Variants in ABCA7 observed in about 807,000 individuals in gnomAD.
ABCA7 encodes phospholipid-transporting ATPase ABCA7.
In ABCA7, 261 loss-of-function variants were observed where a neutral mutation model predicts 227.6. The ratio of observed to expected loss-of-function variants is 1.15; its 90% CI spans 1.04 to 1.27. ABCA7 has a LOEUF of 1.27. ABCA7 is among the 50% of genes most tolerant of loss of function. The pLI, the probability that ABCA7 is intolerant of heterozygous loss-of-function variation, is 0.00. For synonymous variants in ABCA7, 1,488 were observed against 1,279.7 expected (o/e 1.16, Z -3.47); for missense variants, 3,331 against 2,924.5 (o/e 1.14, Z -3.21).
chr19:1,064,569 G>T, intron 45 of ABCA7: 1 of 496,508 alleles, frequency 2.0e-6, no homozygotes, highest in Non-Finnish European at 3.5e-6. Flanking sequence ...CCTGGTTAGT[G>T]GGCGGGGCCA....
Position 1,052,032 on chromosome 19 carries a change from G to A in ABCA7, c.3053G>A (p.Cys1018Tyr). 1 of 1,612,270 alleles carries A rather than the reference G, an allele frequency of 6.2e-7. No homozygotes were observed. The highest frequency in any genetic ancestry group is 2.2e-5 in the East Asian group (1 of 44,862). ...VAVVAGGRLC[C>Y]CGSPLFLRRH... ...GTGGTGGCAGGTGGCCGCTTGTGCT[G>A]CTGTGGCTCCCCACTCTTCCTGCGC... The change falls in exon 22 of 47, where the codon TGC becomes TAC. Residue 1018 changes from cysteine to tyrosine, a missense_variant. Physicochemically the swap from Cys to Tyr is radical, Grantham distance 194. Coordinates refer to ENST00000263094, the MANE Select transcript of ABCA7 (RefSeq NM_019112.4).
At position 1,042,830 on chromosome 19, in the gene ABCA7, C is replaced by T. The variant is rs959580523; in HGVS notation, c.579+4C>T. On this transcript the variant is annotated splice_donor_region_variant and intron_variant, in intron 7 of 46. Transcript: ENST00000263094. ...CGCTGAGGACCTGGCCCAGGAGGTA[C>T]GAGGCCCCACTCATCCTCAACCCCC... 19 of 1,585,726 alleles carry T rather than the reference C, an allele frequency of 1.2e-5. No homozygotes were observed. The highest frequency in any genetic ancestry group is 1.5e-5 in the Non-Finnish European group (18 of 1,167,384).
chr19:1,054,318 A>T lies in ABCA7; in HGVS notation c.3703A>T (p.Ser1235Cys). ...LLKRFLLARR[S>C]RRGLFAQIVL... ...CAAGCGCTTTCTGCTTGCCCGCCGC[A>T]GCCGCCGCGGCCTGTTCGCCCAGGT... Residue 1235 changes from serine (S) to cysteine (C), a missense_variant, in exon 27 of 47, where the codon AGC becomes TGC. Coordinates refer to ENST00000263094, the MANE Select transcript of ABCA7 (RefSeq NM_019112.4). The surrounding 1 kb of genome is among the most constrained non-coding windows in gnomAD (Gnocchi z 4.8). 1 of 1,601,538 alleles carries T rather than the reference A, an allele frequency of 6.2e-7. No individual in the cohort carries two copies. Among genetic ancestry groups the T allele is most frequent in the Non-Finnish European group, 8.5e-7 (1 of 1,178,850 alleles).
rs761326173 is a variant in ABCA7 at position 1,045,111 on chromosome 19, G to A, written c.1325G>A (p.Gly442Glu). 1 of 1,612,992 alleles carries A rather than the reference G, an allele frequency of 6.2e-7. No homozygotes were observed. The highest frequency in any genetic ancestry group is 8.5e-7 in the Non-Finnish European group (1 of 1,179,992). The change falls in exon 12 of 47, where the codon GGA becomes GAA. Residue 442 changes from glycine to glutamate, a missense_variant. Physicochemically the swap from Gly to Glu is moderately conservative, Grantham distance 98. Transcript: ENST00000263094. ...HRFWAGVVFL[G>E]PEDSSDPTEH... ...TTCTGGGCCGGCGTCGTCTTCTTGG[G>A]ACCTGAGGACTCTTCAGACCCCACA...
chr19:1,044,909 A>C (rs2040460059), intron 11 of ABCA7, 93 bp from the exon 12 acceptor site: 4 of 1,529,258 alleles, frequency 2.6e-6, no homozygotes, highest in Non-Finnish European at 3.5e-6. Context: ...CGAGGGGAAA[A>C]CATGGCCCAG....
At chr19:1,057,159 G>A (rs980207136) in intron 34 of ABCA7, 75 bp downstream of exon 34, 7 of 1,565,214 alleles carry the variant, frequency 4.5e-6, no homozygotes, top group Non-Finnish European at 6.1e-6. Flanking sequence ...TGTAGGCAGG[G>A]GCTTGTCCAA....
chr19:1,043,474 G>A lies in ABCA7; in HGVS notation c.930+1G>A, dbSNP rs1428860222. 1.2e-6 allele frequency: 2 copies of A among 1,613,228 alleles called. No homozygotes were observed. Among genetic ancestry groups the A allele is most frequent in the African/African-American group, 1.3e-5 (1 of 75,056 alleles). On this transcript the variant is annotated splice_donor_variant, in intron 9 of 46. Transcript: ENST00000263094. LOFTEE classifies it high-confidence loss of function. ...TTTTACCCGGAAGCTCATGGCCCAG[G>A]TGGGGGCAGCCTGGATGCTGGGGTG... is the stretch of plus-strand genomic sequence containing the variant.
At position 1,053,373 on chromosome 19, in the gene ABCA7, G is replaced by A; in HGVS notation, c.3265G>A (p.Ala1089Thr). ...CCTGGTACAGCACTGGGTGCCCGGG[G>A]CACGGCTGGTGGAGGAGCTGCCACA... Reference protein sequence around the residue: ...LALVQHWVPGARLVEELPHEL... With the variant: ...LALVQHWVPGTRLVEELPHEL... Residue 1089 changes from alanine (A) to threonine (T), a missense_variant, in exon 24 of 47, where the codon GCA (alanine) becomes ACA (threonine). By Grantham distance (58) the Ala-to-Thr change is moderately conservative. Transcript: ENST00000263094. The A allele has an allele frequency of 6.2e-7, 1 of 1,609,114 alleles. No individual in the cohort carries two copies. Among genetic ancestry groups the A allele is most frequent in the East Asian group, 2.2e-5 (1 of 44,848 alleles).
At position 1,053,840 on chromosome 19, in the gene ABCA7, C is replaced by G; in HGVS notation, c.3472+4C>G. The G allele has an allele frequency of 1.2e-6, 2 of 1,609,016 alleles. No individual in the cohort carries two copies. The highest frequency in any genetic ancestry group is 1.7e-6 in the Non-Finnish European group (2 of 1,176,626). On this transcript the variant is annotated splice_donor_region_variant and intron_variant, in intron 25 of 46. Coordinates refer to ENST00000263094, the MANE Select transcript of ABCA7 (RefSeq NM_019112.4). The stretch of plus-strand genomic sequence containing the variant: ...GCTGCGGACACAGATATGGAGGGTG[C>G]GGCCACAGCTCCCTGACCCCTGACC...
intron 24 of ABCA7, 109 bp downstream of exon 24, chr19:1,053,640 A>C: frequency 6.6e-7 from 1 of 1,514,028 alleles, no homozygotes; most frequent in Non-Finnish European, 9.0e-7. Flanking sequence ...ACATTCAGGG[A>C]GGAGGCATGG....
chr19:1,063,725 G>A lies in ABCA7; in HGVS notation c.5848-35G>A, dbSNP rs540701509. The A allele has an allele frequency of 3.2e-6, 5 of 1,551,576 alleles. No individual in the cohort carries two copies. In the South Asian group the frequency reaches 4.7e-5, roughly 15 times the overall value. On this transcript the variant is annotated intron_variant, in intron 43 of 46. Coordinates refer to ENST00000263094, the MANE Select transcript of ABCA7 (RefSeq NM_019112.4). ...GTGGGGTGGGGCCTGCGACGGAGGCGGGGCCTTGCTTATGGGATCTTCCGT... is the reference window on the plus strand; with the variant it reads ...GTGGGGTGGGGCCTGCGACGGAGGCAGGGCCTTGCTTATGGGATCTTCCGT...
In ABCA7 at chr19:1,065,358, G is replaced by T. The variant is rs2042981243; in HGVS notation, c.6374G>T (p.Gly2125Val). Residue 2125 changes from glycine to valine, a missense_variant, in exon 47 of 47, where the codon GGC (glycine) becomes GTC (valine). Transcript: ENST00000263094. ...EAGVGVDPAP[G>V]LQHPKRVSQF... Reference sequence around the variant, plus strand: ...GGAGTGGGAGTGGACCCCGCGCCAGGCCTGCAGCACCCCAAACGCGTCAGC... The same window carrying T: ...GGAGTGGGAGTGGACCCCGCGCCAGTCCTGCAGCACCCCAAACGCGTCAGC... 5.6e-6 allele frequency: 9 copies of T among 1,613,510 alleles called. No individual in the cohort carries two copies. The highest frequency in any genetic ancestry group is 1.7e-5 in the Admixed American group (1 of 60,004).
At chr19:1,053,858 C>G in intron 25 of ABCA7, 22 bp downstream of exon 25, 1 of 1,605,422 alleles carries the variant, frequency 6.2e-7, no homozygotes. Flanking sequence ...GCTCCCTGAC[C>G]CCTGACCCCA....
rs1239080955 is a variant in ABCA7 at position 1,055,857 on chromosome 19, C to T, written c.4206-50C>T. ...TGTGCTCCCCTCTCACCATCTCTCTCTCTGTCCCACATCCCTGTCTGCCTG... is the reference window on the plus strand; with the variant it reads ...TGTGCTCCCCTCTCACCATCTCTCTTTCTGTCCCACATCCCTGTCTGCCTG... On this transcript the variant is annotated intron_variant, in intron 30 of 46. Transcript: ENST00000263094. 2.0e-6 allele frequency: 3 copies of T among 1,516,504 alleles called. No homozygotes were observed. In the South Asian group the frequency reaches 3.9e-5, roughly 20 times the overall value. 93.9% of individuals were successfully genotyped at this position (1,516,504 alleles called of 1,614,324 possible).
In ABCA7 at chr19:1,052,064, C is replaced by T; in HGVS notation, c.3085C>T (p.Leu1029=). ...CGSPLFLRRH[L]GSGYYLTLVK... ...CTCCCCACTCTTCCTGCGCCGTCAC[C>T]TGGGCTCCGGCTACTACCTGACGCT... The change falls in exon 22 of 47, where the codon CTG becomes TTG. Residue 1029 remains leucine, a synonymous_variant. Transcript: ENST00000263094. The T allele has an allele frequency of 1.9e-6, 3 of 1,612,388 alleles. No individual in the cohort carries two copies. In the South Asian group the frequency reaches 3.3e-5, roughly 18 times the overall value.
Position 1,050,921 on chromosome 19 carries a change from G to A in ABCA7, c.2553G>A (p.Leu851=). The A allele has an allele frequency of 3.1e-6, 5 of 1,602,572 alleles. No individual in the cohort carries two copies. The highest frequency in any genetic ancestry group is 1.1e-5 in the South Asian group (1 of 89,950). The change falls in exon 19 of 47, where the codon CTG becomes CTA. Residue 851 remains leucine (L), a splice_region_variant and synonymous_variant. Coordinates refer to ENST00000263094, the MANE Select transcript of ABCA7 (RefSeq NM_019112.4). Reference sequence around the variant, plus strand: ...TACTCTGAGACCCCTCTATCCACAGGTCCATCTTGAGTGGCCTCTTCCCAC... The same window carrying A: ...TACTCTGAGACCCCTCTATCCACAGATCCATCTTGAGTGGCCTCTTCCCAC... ...GHNGAGKTTT[L]SILSGLFPPS...
At chr19:1,042,425 A>G in intron 6 of ABCA7, 28 bp downstream of exon 6, 2 of 1,609,938 alleles carry the variant, frequency 1.2e-6, no homozygotes, top group Non-Finnish European at 1.7e-6. Context: ...GACCGCGCTG[A>G]CTTCCTGGGA....
chr19:1,057,126 T>A, intron 34 of ABCA7, 42 bp downstream of exon 34: 1 of 1,593,312 alleles, frequency 6.3e-7, no homozygotes, highest in Non-Finnish European at 8.6e-7. Flanking sequence ...AGCCACTGCT[T>A]GCCACTGCCC....
At chr19:1,055,577 A>G (rs553843081) in intron 30 of ABCA7, among the ~76,000 whole-genome samples, 31 of 135,360 alleles carry the variant, frequency 2.3e-4, no homozygotes, top group African/African-American at 8.0e-4. Flanking sequence ...ATCTCAGCTC[A>G]TTGCAACCTC....
Sources: allele counts gnomAD v4.1 joint callset (sites outside exome capture counted in the v4.1 genomes callset), GRCh38; gene constraint gnomAD v4.1.1; non-coding constraint Gnocchi (gnomAD v3.1); transcripts MANE v1.5; gene names NCBI Gene and HGNC (gene_info 2026-07-23, HGNC 2026-07-21).